The following PRICKLE1 variants were observed in gnomAD, a reference collection of about 807,000 sequenced individuals.
PRICKLE1 encodes the protein prickle planar cell polarity protein 1, also known as prickle-like protein 1.
In PRICKLE1, 14 loss-of-function variants were observed where a neutral mutation model predicts 70.2. That is an observed-to-expected ratio of 0.20 (90% confidence interval 0.13 to 0.31). PRICKLE1 has a LOEUF of 0.31. Ranked by LOEUF, PRICKLE1 falls within the 10% of genes least tolerant of loss-of-function variation. The pLI is 1.00. For missense variants in PRICKLE1, 821 were observed against 1,026.2 expected, an observed-to-expected ratio of 0.80 and a Z score of 2.73; for synonymous variants, 357 against 379.9, an observed-to-expected ratio of 0.94 and a Z score of 0.70.
At chr12:42,542,287 T>G (rs1940131819) in intron 1 of PRICKLE1, among the ~76,000 whole-genome samples, 1 of 152,176 alleles carries the variant, frequency 6.6e-6, no homozygotes, top group Non-Finnish European at 1.5e-5. Context: ...AACTAGGGCT[T>G]TTATATGATT....
chr12:42,572,999 A>G (rs1940744006), intron 1 of PRICKLE1, among the ~76,000 whole-genome samples: 1 of 148,572 alleles, frequency 6.7e-6, no homozygotes, highest in Non-Finnish European at 1.5e-5. Flanking sequence ...TACGGTCCTC[A>G]GTTTCTTGTA....
intron 1 of PRICKLE1, among the ~76,000 whole-genome samples, chr12:42,580,916 G>C (rs978371198): frequency 6.6e-6 from 1 of 152,070 alleles, no homozygotes; most frequent in African/African-American, 2.4e-5. Flanking sequence ...ACGGAAGGAC[G>C]GAAGGAAGAA....
intron 1 of PRICKLE1, among the ~76,000 whole-genome samples, chr12:42,578,085 T>C (rs1940831588): frequency 6.6e-6 from 1 of 152,174 alleles, no homozygotes; most frequent in South Asian, 2.1e-4. Context: ...TTGGAGGTAT[T>C]AGTCTTATCA....
At chr12:42,533,376 C>G (rs764635181) in intron 1 of PRICKLE1, among the ~76,000 whole-genome samples, 1 of 152,132 alleles carries the variant, frequency 6.6e-6, no homozygotes, top group East Asian at 1.9e-4. Flanking sequence ...AATTACTGTA[C>G]TTGTCTTTGT....
At chr12:42,529,765 G>A (rs1410873964) in intron 1 of PRICKLE1, among the ~76,000 whole-genome samples, 2 of 151,956 alleles carry the variant, frequency 1.3e-5, no homozygotes, top group African/African-American at 2.4e-5. Context: ...GTATGGTTGC[G>A]CATGCCTATA....
intron 1 of PRICKLE1, among the ~76,000 whole-genome samples, chr12:42,480,420 C>CA (rs956200744): frequency 1.3e-4 from 20 of 151,374 alleles, no homozygotes; most frequent in African/African-American, 3.4e-4. Flanking sequence ...GACCCTGTCC[C>CA]AAAAAAAAAT....
rs1288850307 is a variant in PRICKLE1, at chr12:42,587,947, GT to G, written c.-49+1517del. ...TCTTGCTGTCATGGGATTTTTTTTT[GT>G]TTTTTTTTTCCTTTCTAGAGTCTGA... is the stretch of plus-strand genomic sequence containing the variant. On this transcript the variant is annotated intron_variant, in intron 1 of 7. Coordinates refer to ENST00000345127, the MANE Select transcript of PRICKLE1 (RefSeq NM_153026.3). Among the ~76,000 whole-genome samples, 352 of 148,614 alleles carry G rather than the reference GT, an allele frequency of 2.4e-3. 4 individuals are homozygous for G. Among genetic ancestry groups the G allele is most frequent in the East Asian group, 0.023 (116 of 5,104 alleles).
At chr12:42,530,187 G>A (rs545098521) in intron 1 of PRICKLE1, among the ~76,000 whole-genome samples, 21 of 152,156 alleles carry the variant, frequency 1.4e-4, no homozygotes, top group East Asian at 1.9e-4. Flanking sequence ...CAAGTGATCC[G>A]CCTGCCTCGG....
At position 42,460,185 on chromosome 12, in the gene PRICKLE1, T is replaced by C. The variant is rs1937758569; in HGVS notation, c.2120A>G (p.Asp707Gly). Reference sequence around the variant, plus strand: ...ATTCTGTATAAATTTCTCATAGTTATCGGGGGTGTACAGCCGCAGTCTGTC... The same window carrying C: ...ATTCTGTATAAATTTCTCATAGTTACCGGGGGTGTACAGCCGCAGTCTGTC... ...PKDRLRLYTP[D>G]NYEKFIQNKS... is the part of the protein sequence containing the mutation. The change falls in exon 8 of 8, where the codon GAT (aspartate) becomes GGT (glycine). Residue 707 changes from aspartate to glycine, a missense_variant. Coordinates refer to ENST00000345127, the MANE Select transcript of PRICKLE1 (RefSeq NM_153026.3). 3 of 1,614,008 alleles carry C rather than the reference T, an allele frequency of 1.9e-6. No individual in the cohort carries two copies. The highest frequency in any genetic ancestry group is 2.2e-5 in the East Asian group (1 of 44,896).
rs151151770 is a variant in PRICKLE1 at position 42,459,705 on chromosome 12, GA to G, written c.*103del. On this transcript the variant is annotated 3_prime_UTR_variant, in exon 8 of 8. Transcript: ENST00000345127. The stretch of plus-strand genomic sequence containing the variant: ...TTGAGTTCTCATTTACATGGGCAAA[GA>G]AAGCACTTTAAACTATTTTCACAAC... The G allele has an allele frequency of 1.1e-3, 1,544 of 1,351,876 alleles. 31 individuals are homozygous for G. The East Asian group carries it at 0.031, about 27-fold the overall frequency. 83.7% of individuals were successfully genotyped at this position (1,351,876 alleles called of 1,614,324 possible).
At chr12:42,567,090 CCA>C (rs1566129857) in intron 1 of PRICKLE1, among the ~76,000 whole-genome samples, 1 of 152,150 alleles carries the variant, frequency 6.6e-6, no homozygotes, top group Non-Finnish European at 1.5e-5. Flanking sequence ...GCAGATTGAG[CCA>C]TTGTACCCTT....
At chr12:42,572,640 A>G (rs1940737325) in intron 1 of PRICKLE1, among the ~76,000 whole-genome samples, 1 of 151,648 alleles carries the variant, frequency 6.6e-6, no homozygotes. Context: ...CTGGGCAATA[A>G]AGTGAGACCT....
intron 1 of PRICKLE1, among the ~76,000 whole-genome samples, chr12:42,564,549 G>A (rs966175521): frequency 6.6e-6 from 1 of 152,048 alleles, no homozygotes; most frequent in Non-Finnish European, 1.5e-5. Context: ...CAGAGGTTGC[G>A]GTGAGCTGAG....
chr12:42,501,372 TG>T (rs945126025), intron 1 of PRICKLE1, among the ~76,000 whole-genome samples: 71 of 151,974 alleles, frequency 4.7e-4, no homozygotes, highest in African/African-American at 1.7e-3. Flanking sequence ...TAGCTGGGCA[TG>T]GAGGCGCGTG....
At chr12:42,501,436 G>T (rs371024133) in intron 1 of PRICKLE1, among the ~76,000 whole-genome samples, 4 of 147,558 alleles carry the variant, frequency 2.7e-5, no homozygotes, top group South Asian at 4.3e-4. Flanking sequence ...CTTGAACCCG[G>T]GAAGGGGAGG....
rs753934225 is a variant in PRICKLE1 at position 42,492,036 on chromosome 12, G to A, written c.-48-19472C>T. ...CCTGACCTAATGACCTGCCTGTCTC[G>A]GCCTCCCAAAGTGCTGGGATTACAG... On this transcript the variant is annotated intron_variant, in intron 1 of 7. Transcript: ENST00000345127. Among the ~76,000 whole-genome samples the A allele has an allele frequency of 7.3e-5, 11 of 151,582 alleles. No individual in the cohort carries two copies. The East Asian group carries it at 1.7e-3, about 24-fold the overall frequency.
chr12:42,579,381 G>A (rs1387470144), intron 1 of PRICKLE1, among the ~76,000 whole-genome samples: 1 of 152,182 alleles, frequency 6.6e-6, no homozygotes, highest in East Asian at 1.9e-4. Flanking sequence ...GAGATCTGCT[G>A]TAAAACTTCA....
Position 42,582,709 on chromosome 12 carries a change from C to T in PRICKLE1, c.-49+6756G>A, listed in dbSNP as rs76933984. Among the ~76,000 whole-genome samples, 550 of 152,310 alleles carry T rather than the reference C, an allele frequency of 3.6e-3. 6 individuals carry two copies. Among genetic ancestry groups the T allele is most frequent in the East Asian group, 0.034 (174 of 5,182 alleles). On this transcript the variant is annotated intron_variant, in intron 1 of 7. Coordinates refer to ENST00000345127, the MANE Select transcript of PRICKLE1 (RefSeq NM_153026.3). ...CCACACTACATAGCACAAGCTTGTC[C>T]GACCCACGGACCGTGGGCCACATGC...
chr12:42,584,731 T>C (rs565771624), intron 1 of PRICKLE1, among the ~76,000 whole-genome samples: 118 of 152,288 alleles, frequency 7.7e-4, no homozygotes, highest in Non-Finnish European at 1.4e-3. Context: ...TCAAACAGAA[T>C]TGTTACCAAA....
Sources: gnomAD v4.1 joint callset for allele counts (sites outside exome capture counted in the v4.1 genomes callset) on GRCh38, gnomAD v4.1.1 for gene constraint, MANE v1.5 for transcripts, NCBI Gene and HGNC (gene_info 2026-07-23, HGNC 2026-07-21) for gene names.